The following VAV3 variants were observed in gnomAD, a reference collection of about 807,000 sequenced individuals.
The protein encoded by VAV3 is guanine nucleotide exchange factor VAV3.
In VAV3, 94 loss-of-function variants were observed where a neutral mutation model predicts 131.2. The observed-to-expected ratio is 0.72, with a 90% CI of 0.61 to 0.85. The LOEUF (loss-of-function observed/expected upper bound fraction) is 0.85. VAV3 is among the 40% of genes least tolerant of loss of function. The probability of loss-of-function intolerance (pLI) is 0.00; values close to 1 mark genes in which losing one functional copy is unlikely to be tolerated. For synonymous variants in VAV3, 349 were observed against 342.0 expected, an observed-to-expected ratio of 1.02 and a Z score of -0.22; for missense variants, 939 against 1,002.7, an observed-to-expected ratio of 0.94 and a Z score of 0.86.
intron 2 of VAV3, among the ~76,000 whole-genome samples, chr1:107,842,501 C>T (rs905561708): frequency 6.6e-6 from 1 of 152,126 alleles, no homozygotes; most frequent in Non-Finnish European, 1.5e-5. Context: ...GGTACTTCCA[C>T]CCATCTGGTG....
At chr1:107,929,831 T>A (rs1673337184) in intron 1 of VAV3, among the ~76,000 whole-genome samples, 1 of 152,160 alleles carries the variant, frequency 6.6e-6, no homozygotes, top group Non-Finnish European at 1.5e-5. Context: ...GTGGTACTTA[T>A]ACACAACAGA....
In VAV3 at chr1:107,614,921, T is replaced by A. The variant is rs186082375; in HGVS notation, c.1980+2646A>T. Among the ~76,000 whole-genome samples the A allele has an allele frequency of 9.2e-5, 14 of 152,244 alleles. No individual in the cohort carries two copies. In the East Asian group the frequency reaches 2.7e-3, roughly 29 times the overall value. The stretch of plus-strand genomic sequence containing the variant: ...GATGTCTTTAGGTTCCCAAACTTCT[T>A]AATGTTAGAATGTATAATATCCTGC... On this transcript the variant is annotated intron_variant, in intron 21 of 26. Transcript: ENST00000370056.
At chr1:107,799,153 C>T (rs983268865) in intron 2 of VAV3, among the ~76,000 whole-genome samples, 2 of 152,102 alleles carry the variant, frequency 1.3e-5, no homozygotes, top group African/African-American at 2.4e-5. Context: ...TTTCATTTAG[C>T]TATGTAAATT....
intron 19 of VAV3, among the ~76,000 whole-genome samples, chr1:107,651,532 C>T (rs1324825855): frequency 1.7e-5 from 1 of 60,592 alleles, no homozygotes; most frequent in Non-Finnish European, 3.0e-5. Flanking sequence ...AAGGAAGAAA[C>T]AAAGTAAGGA....
chr1:107,645,230 T>A (rs1655649917), intron 19 of VAV3, among the ~76,000 whole-genome samples: 1 of 152,020 alleles, frequency 6.6e-6, no homozygotes, highest in South Asian at 2.1e-4. Flanking sequence ...TAACCTCTAT[T>A]CAGCCATAAT....
At position 107,704,533 on chromosome 1, in the gene VAV3, C is replaced by A; in HGVS notation, c.1705+17G>T. The A allele has an allele frequency of 6.3e-7, 1 of 1,598,936 alleles. No homozygotes were observed. The highest frequency in any genetic ancestry group is 8.6e-7 in the Non-Finnish European group (1 of 1,168,380). ...GTCCTCATTAAAAACAGAATTGCAA[C>A]AATAAACATGACTTACCACCAGAAT... On this transcript the variant is annotated intron_variant, in intron 17 of 26. Transcript: ENST00000370056.
chr1:107,818,985 G>GA (rs1217865307), intron 2 of VAV3, among the ~76,000 whole-genome samples: 2 of 151,982 alleles, frequency 1.3e-5, no homozygotes, highest in Admixed American at 1.3e-4. Flanking sequence ...TTGCTGAAAA[G>GA]AAAAAAGTAT....
chr1:107,729,834 CA>C (rs1481007589), intron 15 of VAV3, among the ~76,000 whole-genome samples: 1 of 152,114 alleles, frequency 6.6e-6, no homozygotes, highest in African/African-American at 2.4e-5. Context: ...TTTACCATAA[CA>C]AACGATAAAG....
chr1:107,742,393 C>G (rs1404457765), intron 15 of VAV3, among the ~76,000 whole-genome samples: 1 of 152,170 alleles, frequency 6.6e-6, no homozygotes, highest in African/African-American at 2.4e-5. Flanking sequence ...AATAGGCAAA[C>G]AGATCTAATG....
At chr1:107,953,760 G>A (rs767069774) in intron 1 of VAV3, among the ~76,000 whole-genome samples, 2 of 152,096 alleles carry the variant, frequency 1.3e-5, no homozygotes, top group Non-Finnish European at 2.9e-5. Flanking sequence ...GAAGCACGAC[G>A]CTTGTTTATT....
At chr1:107,592,695 A>G (rs1651062456) in intron 25 of VAV3, among the ~76,000 whole-genome samples, 1 of 152,122 alleles carries the variant, frequency 6.6e-6, no homozygotes, top group Non-Finnish European at 1.5e-5. Flanking sequence ...ACATTATAAA[A>G]TCTCTAATTT....
chr1:107,650,463 C>T (rs570243729), intron 19 of VAV3, among the ~76,000 whole-genome samples: 2 of 151,788 alleles, frequency 1.3e-5, no homozygotes, highest in African/African-American at 4.8e-5. Context: ...TGTTTATGTA[C>T]CCCCAAATAC....
intron 15 of VAV3, among the ~76,000 whole-genome samples, chr1:107,731,713 C>T (rs1019513773): frequency 6.6e-6 from 1 of 152,168 alleles, no homozygotes; most frequent in Non-Finnish European, 1.5e-5. Context: ...TCCCTCATCA[C>T]AAGAGGCATC....
intron 20 of VAV3, among the ~76,000 whole-genome samples, chr1:107,623,458 A>T (rs1190355311): frequency 1.3e-5 from 2 of 152,018 alleles, no homozygotes; most frequent in African/African-American, 2.4e-5. Context: ...CAATCCTACC[A>T]CTCTTTATAT....
intron 1 of VAV3, among the ~76,000 whole-genome samples, chr1:107,928,144 G>A (rs764272311): frequency 6.6e-6 from 1 of 152,174 alleles, no homozygotes. Context: ...AATGCTTCCA[G>A]ATCTTATCAA....
chr1:107,902,291 T>C (rs769205392), intron 1 of VAV3, among the ~76,000 whole-genome samples: 4 of 152,224 alleles, frequency 2.6e-5, no homozygotes, highest in African/African-American at 7.2e-5. Flanking sequence ...TGTGATTGAA[T>C]GTACAATATC....
chr1:107,837,796 C>G (rs1199672940), intron 2 of VAV3, among the ~76,000 whole-genome samples: 1 of 152,064 alleles, frequency 6.6e-6, no homozygotes, highest in Non-Finnish European at 1.5e-5. Flanking sequence ...GGAAAGAATC[C>G]CTTTTCAATA....
rs118042644 is a variant in VAV3, at chr1:107,919,391, C to T, written c.205-44374G>A. 9.7e-3 allele frequency among the ~76,000 whole-genome samples: 1,473 copies of T among 152,286 alleles called. 13 individuals carry two copies. Among genetic ancestry groups the T allele is most frequent in the Non-Finnish European group, 0.014 (980 of 68,028 alleles). Reference sequence around the variant, plus strand: ...CTATTTTAATGAAATTTCCATGTGGCTGATAAGTTCTGATGGTTTACGTTT... The same window carrying T: ...CTATTTTAATGAAATTTCCATGTGGTTGATAAGTTCTGATGGTTTACGTTT... On this transcript the variant is annotated intron_variant, in intron 1 of 26. Transcript: ENST00000370056.
intron 2 of VAV3, among the ~76,000 whole-genome samples, chr1:107,795,535 G>A (rs548876129): frequency 4.0e-4 from 60 of 151,626 alleles, no homozygotes; most frequent in African/African-American, 1.4e-3. Flanking sequence ...CCTCCCCCCA[G>A]GAAAAAAAAT....
Sources: allele counts gnomAD v4.1 joint callset (sites outside exome capture counted in the v4.1 genomes callset), GRCh38; gene constraint gnomAD v4.1.1; transcripts MANE v1.5; gene names NCBI Gene and HGNC (gene_info 2026-07-23, HGNC 2026-07-21).